Variants in PLPPR1 observed in about 807,000 individuals in gnomAD.
PLPPR1 encodes phospholipid phosphatase-related protein type 1.
Under a neutral mutation model 33.1 loss-of-function variants are expected in PLPPR1, and 10 were observed. The observed-to-expected ratio is 0.30, with a 90% CI of 0.19 to 0.51. PLPPR1 has a LOEUF of 0.51. Ranked by LOEUF, PLPPR1 falls within the 20% of genes least tolerant of loss-of-function variation. The probability of loss-of-function intolerance (pLI) is 0.97; values close to 1 mark genes in which losing one functional copy is unlikely to be tolerated. For synonymous variants in PLPPR1, 151 were observed against 151.0 expected (o/e 1.00, Z 0.00); for missense variants, 304 against 408.1 (o/e 0.74, Z 2.20).
At chr9:101,099,788 C>T (rs957416748) in intron 1 of PLPPR1, among the ~76,000 whole-genome samples, 2 of 152,116 alleles carry the variant, frequency 1.3e-5, no homozygotes, top group Admixed American at 1.3e-4. Context: ...ACAACTCCCC[C>T]ATGGATACCA....
intron 1 of PLPPR1, among the ~76,000 whole-genome samples, chr9:101,171,966 C>G (rs943201242): frequency 1.8e-5 from 2 of 111,908 alleles, no homozygotes; most frequent in Non-Finnish European, 4.2e-5. Context: ...TGAAATGTAA[C>G]TCTCACGTCT....
intron 1 of PLPPR1, among the ~76,000 whole-genome samples, chr9:101,132,002 A>G (rs1831319742): frequency 6.6e-6 from 1 of 152,226 alleles, no homozygotes; most frequent in Admixed American, 6.5e-5. Context: ...GCTTATAGCA[A>G]GTGCTGTATT....
Position 101,275,497 on chromosome 9 carries a change from T to C in PLPPR1, c.252+5429T>C, listed in dbSNP as rs966569227. Among the ~76,000 whole-genome samples, 4 of 152,318 alleles carry C rather than the reference T, an allele frequency of 2.6e-5. No individual in the cohort carries two copies. The East Asian group carries it at 7.7e-4, about 29-fold the overall frequency. ...CAGATCTTCAGGAAAGGTTAGAGCATGGGGGATTTACTGTGTCCCCGTTTA... is the reference window on the plus strand; with the variant it reads ...CAGATCTTCAGGAAAGGTTAGAGCACGGGGGATTTACTGTGTCCCCGTTTA... On this transcript the variant is annotated intron_variant, in intron 3 of 7. Coordinates refer to ENST00000374874, the MANE Select transcript of PLPPR1 (RefSeq NM_207299.2).
intron 1 of PLPPR1, among the ~76,000 whole-genome samples, chr9:101,095,008 C>T (rs1400291523): frequency 3.3e-5 from 5 of 152,106 alleles, no homozygotes; most frequent in East Asian, 1.9e-4. Context: ...GCTGTGTTGT[C>T]GATGGCCTTG....
intron 1 of PLPPR1, among the ~76,000 whole-genome samples, chr9:101,100,277 G>T (rs1273314461): frequency 6.6e-6 from 1 of 152,060 alleles, no homozygotes; most frequent in Non-Finnish European, 1.5e-5. Flanking sequence ...TCACCTTTGG[G>T]GTGGCAGTGA....
intron 2 of PLPPR1, among the ~76,000 whole-genome samples, chr9:101,221,211 A>C (rs1826928075): frequency 2.6e-5 from 4 of 152,118 alleles, no homozygotes; most frequent in Admixed American, 2.6e-4. Context: ...TATACGCTGC[A>C]CTGTATTTGT....
At chr9:101,218,933 G>A (rs530493494) in intron 2 of PLPPR1, among the ~76,000 whole-genome samples, 1 of 152,326 alleles carries the variant, frequency 6.6e-6, no homozygotes, top group South Asian at 2.1e-4. Context: ...AAAAGGTAAT[G>A]AGCGGTGATA....
chr9:101,166,192 C>T lies in PLPPR1; in HGVS notation c.-45-19258C>T, dbSNP rs999182223. On this transcript the variant is annotated intron_variant, in intron 1 of 7. Transcript: ENST00000374874. ...GCCCTTTATGTTTCAACCATATGGC[C>T]GTGGTTTTTTTTCACTTCAGGAACT... 4.6e-5 allele frequency among the ~76,000 whole-genome samples: 7 copies of T among 152,138 alleles called. No homozygotes were observed. The South Asian group carries it at 8.3e-4, about 18-fold the overall frequency.
intron 1 of PLPPR1, among the ~76,000 whole-genome samples, chr9:101,056,218 G>T (rs1830276421): frequency 6.6e-6 from 1 of 152,192 alleles, no homozygotes; most frequent in Non-Finnish European, 1.5e-5. Flanking sequence ...CTCTCATTTA[G>T]AGCCTTTGCA....
intron 2 of PLPPR1, among the ~76,000 whole-genome samples, chr9:101,198,191 G>T (rs998513841): frequency 6.6e-6 from 1 of 152,044 alleles, no homozygotes; most frequent in African/African-American, 2.4e-5. Context: ...CTGATACTCA[G>T]TCTTTGTGGT....
At chr9:101,172,644 G>A (rs1825960104) in intron 1 of PLPPR1, among the ~76,000 whole-genome samples, 1 of 152,048 alleles carries the variant, frequency 6.6e-6, no homozygotes, top group Non-Finnish European at 1.5e-5. Context: ...GAAGACTCAA[G>A]GTCCCTCTGC....
chr9:101,117,515 A>G (rs1030832832), intron 1 of PLPPR1, among the ~76,000 whole-genome samples: 1 of 152,232 alleles, frequency 6.6e-6, no homozygotes, highest in Non-Finnish European at 1.5e-5. Context: ...TTTCCTGGAA[A>G]ACTCATGAAT....
intron 1 of PLPPR1, among the ~76,000 whole-genome samples, chr9:101,037,241 A>G (rs1018415312): frequency 1.3e-5 from 2 of 152,118 alleles, no homozygotes; most frequent in East Asian, 1.9e-4. Context: ...GCTTGTGTGA[A>G]TGTTATAAAT....
chr9:101,170,925 A>G (rs1825933648), intron 1 of PLPPR1, among the ~76,000 whole-genome samples: 1 of 152,054 alleles, frequency 6.6e-6, no homozygotes, highest in East Asian at 1.9e-4. Flanking sequence ...GGGTGACAGA[A>G]CAAGATCCTG....
chr9:101,112,144 G>A (rs929152241), intron 1 of PLPPR1, among the ~76,000 whole-genome samples: 7 of 152,128 alleles, frequency 4.6e-5, no homozygotes, highest in South Asian at 2.1e-4. Context: ...TCTTACCTGC[G>A]TATTAGCTTA....
rs971758537 is a variant in PLPPR1, at chr9:101,111,364, T to C, written c.-45-74086T>C. On this transcript the variant is annotated intron_variant, in intron 1 of 7. Coordinates refer to ENST00000374874, the MANE Select transcript of PLPPR1 (RefSeq NM_207299.2). ...TGATTCTATATTATTGTAGCCCAAT[T>C]CTATTTCATAGTTCAGTAATGCTAA... 2.6e-5 allele frequency among the ~76,000 whole-genome samples: 4 copies of C among 152,184 alleles called. 1 individual carries two copies. Among genetic ancestry groups the C allele is most frequent in the Admixed American group, 2.6e-4 (4 of 15,270 alleles).
intron 1 of PLPPR1, among the ~76,000 whole-genome samples, chr9:101,149,681 G>T (rs1177424584): frequency 6.6e-6 from 1 of 152,126 alleles, no homozygotes; most frequent in Non-Finnish European, 1.5e-5. Context: ...TGCTAGAAAG[G>T]AGTCAGAAGC....
At chr9:101,035,349 C>G (rs1829997193) in intron 1 of PLPPR1, among the ~76,000 whole-genome samples, 3 of 152,198 alleles carry the variant, frequency 2.0e-5, no homozygotes, top group African/African-American at 7.2e-5. Flanking sequence ...GCATTATACT[C>G]TGGCAAATAC....
At chr9:101,268,654 G>A (rs1828042463) in intron 2 of PLPPR1, among the ~76,000 whole-genome samples, 3 of 152,046 alleles carry the variant, frequency 2.0e-5, no homozygotes, top group Non-Finnish European at 4.4e-5. Flanking sequence ...GTCATTCTGG[G>A]GCTGAAATAA....
Sources: allele counts gnomAD v4.1 joint callset (sites outside exome capture counted in the v4.1 genomes callset), GRCh38; gene constraint gnomAD v4.1.1; transcripts MANE v1.5; gene names NCBI Gene and HGNC (gene_info 2026-07-23, HGNC 2026-07-21).